The following SLC8A1 variants were observed in gnomAD, a reference collection of about 807,000 sequenced individuals.
SLC8A1 encodes sodium/calcium exchanger 1.
In SLC8A1, 18 loss-of-function variants were observed where a neutral mutation model predicts 68.3. That is an observed-to-expected ratio of 0.26 (90% CI 0.18 to 0.39). The LOEUF (loss-of-function observed/expected upper bound fraction) is 0.39, where lower values mean the gene tolerates loss of function less well. SLC8A1 is among the 10% of genes least tolerant of loss of function. The pLI is 1.00. For missense variants in SLC8A1, 985 were observed against 1,156.7 expected (o/e 0.85, Z 2.15); for synonymous variants, 475 against 415.5 (o/e 1.14, Z -1.74).
At chr2:40,133,708 C>CA (rs1329744873) in intron 7 of SLC8A1, among the ~76,000 whole-genome samples, 3 of 150,936 alleles carry the variant, frequency 2.0e-5, no homozygotes, top group African/African-American at 7.3e-5. Context: ...AAATCCCCCC[C>CA]CCCCACCGAC....
intron 7 of SLC8A1, among the ~76,000 whole-genome samples, chr2:40,138,317 C>T (rs75437534): frequency 0.011 from 1,657 of 152,226 alleles, 31 homozygotes; most frequent in African/African-American, 0.037. Context: ...ACAACTATGG[C>T]AAACTTTAGT....
chr2:40,126,935 G>C (rs907531306), intron 7 of SLC8A1, among the ~76,000 whole-genome samples: 1 of 152,198 alleles, frequency 6.6e-6, no homozygotes, highest in Non-Finnish European at 1.5e-5. Flanking sequence ...ATCTGAGAAT[G>C]AACGAAAAGA....
chr2:40,411,288 C>T (rs1196354852), intron 2 of SLC8A1, among the ~76,000 whole-genome samples: 1 of 152,016 alleles, frequency 6.6e-6, no homozygotes, highest in Admixed American at 6.6e-5. Flanking sequence ...ACAGCATACA[C>T]TCAGCAAATA....
Position 40,449,148 on chromosome 2 carries a change from T to TA in SLC8A1, c.-25+2755dup, listed in dbSNP as rs563163544. Among the ~76,000 whole-genome samples the TA allele has an allele frequency of 7.8e-3, 1,003 of 129,332 alleles. 15 individuals carry two copies. The highest frequency in any genetic ancestry group is 0.039 in the Admixed American group (505 of 12,800). The allele number at this position is 129,332 out of a possible 152,430, so 84.8% of individuals were successfully genotyped here. ...AACTTGTCTCACTGAATTGCAACAT[T>TA]AAAAAAAAAAAACAAAAAACAAAAA... On this transcript the variant is annotated intron_variant, in intron 1 of 7. Transcript: ENST00000406785.
At chr2:40,116,354 G>C (rs1387431435) in intron 7 of SLC8A1, among the ~76,000 whole-genome samples, 1 of 152,004 alleles carries the variant, frequency 6.6e-6, no homozygotes. Flanking sequence ...GGGTACATGT[G>C]CACATTGTGC....
chr2:40,241,233 C>T (rs917132935), intron 2 of SLC8A1, among the ~76,000 whole-genome samples: 1 of 152,092 alleles, frequency 6.6e-6, no homozygotes, highest in Non-Finnish European at 1.5e-5. Flanking sequence ...TAATCCTCAG[C>T]GAATTAACAC....
At chr2:40,159,913 GT>G (rs2045357138) in intron 6 of SLC8A1, among the ~76,000 whole-genome samples, 1 of 152,192 alleles carries the variant, frequency 6.6e-6, no homozygotes, top group African/African-American at 2.4e-5. Flanking sequence ...TAGTGACGCA[GT>G]TTCCAAATTT....
intron 2 of SLC8A1, among the ~76,000 whole-genome samples, chr2:40,375,192 A>C (rs910632194): frequency 3.3e-5 from 5 of 152,130 alleles, no homozygotes; most frequent in South Asian, 4.1e-4. Flanking sequence ...ATGCTCAGTT[A>C]ATTAACAACC....
At chr2:40,437,254 A>T (rs115091134) in intron 1 of SLC8A1, among the ~76,000 whole-genome samples, 190 of 152,272 alleles carry the variant, frequency 1.2e-3, no homozygotes, top group African/African-American at 4.4e-3. Flanking sequence ...CAGAGAGCTC[A>T]AGATTTAGGT....
At chr2:40,465,229 G>A (rs1032759427) in intron 1 of SLC8A1, among the ~76,000 whole-genome samples, 1 of 152,164 alleles carries the variant, frequency 6.6e-6, no homozygotes, top group Non-Finnish European at 1.5e-5. Context: ...GTATGGGACA[G>A]TCTCCTACCA....
chr2:40,384,125 G>A (rs1249519984), intron 2 of SLC8A1, among the ~76,000 whole-genome samples: 1 of 151,654 alleles, frequency 6.6e-6, no homozygotes, highest in African/African-American at 2.4e-5. Context: ...GTTAGACATG[G>A]TGGGCCTGTA....
At chr2:40,502,922 C>T (rs1183798803) in intron 1 of SLC8A1, among the ~76,000 whole-genome samples, 1 of 151,884 alleles carries the variant, frequency 6.6e-6, no homozygotes, top group African/African-American at 2.4e-5. Context: ...CTATCTCATA[C>T]CTAAAAGCTC....
chr2:40,376,497 C>G lies in SLC8A1; in HGVS notation c.1808+51976G>C, dbSNP rs182740372. The stretch of plus-strand genomic sequence containing the variant: ...TGTAAATCTGAGGAGGTCTCACTCT[C>G]TGTTGTCAGTCACTCTGACATTTAC... On this transcript the variant is annotated intron_variant, in intron 2 of 7. Coordinates refer to ENST00000406785, the Ensembl canonical transcript of SLC8A1. 4.6e-5 allele frequency among the ~76,000 whole-genome samples: 7 copies of G among 152,210 alleles called. No individual in the cohort carries two copies. In the East Asian group the frequency reaches 1.4e-3, roughly 30 times the overall value.
intron 2 of SLC8A1, among the ~76,000 whole-genome samples, chr2:40,243,020 C>A (rs1247598982): frequency 6.6e-6 from 1 of 152,144 alleles, no homozygotes; most frequent in East Asian, 1.9e-4. Flanking sequence ...TTCATTCATT[C>A]CTTCACCAAA....
chr2:40,328,976 C>G (rs554802688), intron 2 of SLC8A1, among the ~76,000 whole-genome samples: 6 of 151,846 alleles, frequency 4.0e-5, no homozygotes, highest in Admixed American at 3.9e-4. Context: ...AAAGCCCAAT[C>G]CAGACACATT....
At chr2:40,330,675 A>G (rs2076319710) in intron 2 of SLC8A1, among the ~76,000 whole-genome samples, 1 of 152,234 alleles carries the variant, frequency 6.6e-6, no homozygotes, top group South Asian at 2.1e-4. Flanking sequence ...TTATAGTTGC[A>G]AAGGTAAATG....
intron 2 of SLC8A1, among the ~76,000 whole-genome samples, chr2:40,324,434 G>A (rs181227547): frequency 3.9e-5 from 6 of 152,280 alleles, no homozygotes; most frequent in Admixed American, 3.3e-4. Flanking sequence ...TAAATTTCCT[G>A]TTGTACACTT....
At chr2:40,461,559 T>C (rs1703343266) in intron 1 of SLC8A1, among the ~76,000 whole-genome samples, 1 of 152,214 alleles carries the variant, frequency 6.6e-6, no homozygotes, top group African/African-American at 2.4e-5. Context: ...ACCAGACATT[T>C]AAATTTACTG....
At chr2:40,474,287 T>G (rs1386170008) in intron 1 of SLC8A1, among the ~76,000 whole-genome samples, 1 of 152,204 alleles carries the variant, frequency 6.6e-6, no homozygotes, top group Non-Finnish European at 1.5e-5. Context: ...GTTCAGTCTT[T>G]GTTGTATTCT....
Sources: allele counts gnomAD v4.1 joint callset (sites outside exome capture counted in the v4.1 genomes callset), GRCh38; gene constraint gnomAD v4.1.1; transcripts MANE v1.5; gene names NCBI Gene and HGNC (gene_info 2026-07-23, HGNC 2026-07-21).